The following KCTD3 variants were observed in gnomAD, a reference collection of about 807,000 sequenced individuals.
The protein encoded by KCTD3 is BTB/POZ domain-containing protein KCTD3.
In KCTD3, 41 loss-of-function variants were observed where a neutral mutation model predicts 85.8. The observed-to-expected ratio is 0.48, with a 90% CI of 0.37 to 0.62. The LOEUF (loss-of-function observed/expected upper bound fraction) is 0.62. Ranked by LOEUF, KCTD3 falls within the 20% of genes least tolerant of loss-of-function variation. The pLI, the probability that KCTD3 is intolerant of heterozygous loss-of-function variation, is 0.00. For missense variants in KCTD3, 724 were observed against 989.9 expected, an observed-to-expected ratio of 0.73 and a Z score of 3.60; for synonymous variants, 338 against 345.4, an observed-to-expected ratio of 0.98 and a Z score of 0.24.
At position 215,603,945 on chromosome 1, in the gene KCTD3, T is replaced by C. The variant is rs79289600; in HGVS notation, c.1139-187T>C. 5.9e-3 allele frequency among the ~76,000 whole-genome samples: 893 copies of C among 152,228 alleles called. 21 individuals carry two copies. The South Asian group carries it at 0.066, about 11-fold the overall frequency. Reference sequence around the variant, plus strand: ...GGAGTGAGGGTTAGGAAAAGATTTATCAAGGAAATAATGATTTTAAGATGA... The same window carrying C: ...GGAGTGAGGGTTAGGAAAAGATTTACCAAGGAAATAATGATTTTAAGATGA... On this transcript the variant is annotated intron_variant, in intron 12 of 17. Transcript: ENST00000259154.
chr1:215,603,445 A>G (rs1654906938), intron 12 of KCTD3, among the ~76,000 whole-genome samples: 1 of 152,096 alleles, frequency 6.6e-6, no homozygotes, highest in Admixed American at 6.6e-5. Context: ...GGGTCTGGGC[A>G]CTTTTTGAAA....
rs1266331261 is a variant in KCTD3 at position 215,586,678 on chromosome 1, T to A, written c.810T>A (p.Ser270Arg). ...LWSVQDGGSGSEIGVFSLGVP... is the reference protein window; with the variant it reads ...LWSVQDGGSGREIGVFSLGVP... ...GTGTTCAGGATGGGGGAAGTGGAAG[T>A]GAAATTGGTAGGAAGAATCTTGTTT... The change falls in exon 9 of 18, where the codon AGT (serine) becomes AGA (arginine). Residue 270 changes from serine (S) to arginine (R), a missense_variant. Ser to Arg is a moderately radical substitution (Grantham distance 110). Transcript: ENST00000259154. 8.7e-6 allele frequency: 14 copies of A among 1,606,850 alleles called. No homozygotes were observed. Among genetic ancestry groups the A allele is most frequent in the Non-Finnish European group, 1.2e-5 (14 of 1,175,942 alleles).
intron 1 of KCTD3, among the ~76,000 whole-genome samples, chr1:215,572,189 G>T (rs1262449629): frequency 6.6e-6 from 1 of 152,156 alleles, no homozygotes; most frequent in Non-Finnish European, 1.5e-5. Flanking sequence ...GTTTTGTACA[G>T]AACATTTAAC....
chr1:215,603,045 T>C (rs970738502), intron 12 of KCTD3, among the ~76,000 whole-genome samples: 1 of 152,136 alleles, frequency 6.6e-6, no homozygotes, highest in Non-Finnish European at 1.5e-5. Context: ...AATGACAGAA[T>C]TGAGAGGTTG....
chr1:215,600,606 C>T (rs1020416038), intron 10 of KCTD3, among the ~76,000 whole-genome samples: 3 of 152,204 alleles, frequency 2.0e-5, no homozygotes, highest in African/African-American at 7.2e-5. Flanking sequence ...TACCTCACAT[C>T]CCTTATCTCT....
At chr1:215,608,400 T>C (rs1483370233) in intron 14 of KCTD3, among the ~76,000 whole-genome samples, 1 of 151,988 alleles carries the variant, frequency 6.6e-6, no homozygotes, top group Non-Finnish European at 1.5e-5. Context: ...TTTCCTCTTA[T>C]TAATGTTTCA....
rs554520567 is a variant in KCTD3, at chr1:215,588,236, A to G, written c.817+1551A>G. ...AGCTCCTGTAGCTCTTTGCTCCAGC[A>G]TTTGTGAAGGTGCTTTTCCTTGACA... On this transcript the variant is annotated intron_variant, in intron 9 of 17. Coordinates refer to ENST00000259154, the MANE Select transcript of KCTD3 (RefSeq NM_016121.5). Among the ~76,000 whole-genome samples the G allele has an allele frequency of 5.9e-5, 9 of 152,196 alleles. No homozygotes were observed. The East Asian group carries it at 1.8e-3, about 30-fold the overall frequency.
chr1:215,574,849 A>G (rs185964254), intron 3 of KCTD3, among the ~76,000 whole-genome samples: 121 of 152,318 alleles, frequency 7.9e-4, no homozygotes, highest in African/African-American at 2.9e-3. Flanking sequence ...ACTGGCTGCC[A>G]TTTCCCTTTC....
chr1:215,574,096 C>T lies in KCTD3; in HGVS notation c.161C>T (p.Thr54Ile). 6.3e-7 allele frequency: 1 copy of T among 1,587,922 alleles called. No homozygotes were observed. Among genetic ancestry groups the T allele is most frequent in the Non-Finnish European group, 8.6e-7 (1 of 1,162,124 alleles). Residue 54 changes from threonine (T) to isoleucine (I), a missense_variant, in exon 3 of 18, where the codon ACA becomes ATA. Physicochemically the swap from Thr to Ile is moderately conservative, Grantham distance 89. Around this residue, in one of 6 missense-constraint regions of KCTD3, gnomAD observed 97 missense variants for 115.7 expected, o/e 0.84. Coordinates refer to ENST00000259154, the MANE Select transcript of KCTD3 (RefSeq NM_016121.5). The stretch of plus-strand genomic sequence containing the variant: ...AGTTTGCTGAGTGGGAGAATTTCAA[C>T]ACTTCGAGATGAAACTGGTGCTGTG... ...FSSLLSGRIS[T>I]LRDETGAIFI...
Position 215,578,001 on chromosome 1 carries a change from T to G in KCTD3, c.317T>G (p.Val106Gly). 3 of 1,610,120 alleles carry G rather than the reference T, an allele frequency of 1.9e-6. No homozygotes were observed. Among genetic ancestry groups the G allele is most frequent in the Non-Finnish European group, 2.5e-6 (3 of 1,177,640 alleles). The change falls in exon 6 of 18, where the codon GTA becomes GGA. Residue 106 changes from valine to glycine, a missense_variant and splice_region_variant. Physicochemically the swap from Val to Gly is moderately radical, Grantham distance 109. Around this residue, in one of 6 missense-constraint regions of KCTD3, gnomAD observed 17 missense variants for 40.4 expected, o/e 0.42. Transcript: ENST00000259154. ...CAAGTTTGCTTTGAAATGTTTTTAG[T>G]AAGAAGGCTTCTCTTATGTGAAGAA... is the stretch of plus-strand genomic sequence containing the variant. Reference protein sequence around the residue: ...EAEFYGITPLVRRLLLCEELE... With the variant: ...EAEFYGITPLGRRLLLCEELE...
intron 8 of KCTD3, chr1:215,581,069 A>G (rs1404225981): frequency 2.5e-6 from 1 of 402,024 alleles, no homozygotes; most frequent in African/African-American, 2.1e-5. Context: ...AACATGGTGA[A>G]ACCCCATCTC....
At position 215,620,795 on chromosome 1, in the gene KCTD3, AT is replaced by A. The variant is rs1380490914; in HGVS notation, c.*181del. The A allele has an allele frequency of 5.9e-6, 3 of 512,670 alleles. No individual in the cohort carries two copies. The highest frequency in any genetic ancestry group is 1.0e-5 in the Non-Finnish European group (3 of 296,646). The allele number at this position is 512,670 out of a possible 1,614,324, so 31.8% of individuals were successfully genotyped here. On this transcript the variant is annotated 3_prime_UTR_variant, in exon 18 of 18. Transcript: ENST00000259154. ...ATACAATAATCATATCTCTTTTGAC[AT>A]TTTGGAAATTTTTTTAATTTTACAA...
chr1:215,592,670 A>G (rs1381172323), intron 9 of KCTD3, among the ~76,000 whole-genome samples: 1 of 152,206 alleles, frequency 6.6e-6, no homozygotes, highest in African/African-American at 2.4e-5. Context: ...TAATTTGTTC[A>G]TGCCCTGTAA....
At chr1:215,612,056 A>T in intron 15 of KCTD3, 135 bp downstream of exon 15, 1 of 608,106 alleles carries the variant, frequency 1.6e-6, no homozygotes, top group Admixed American at 2.8e-5. Flanking sequence ...TTATCTCATA[A>T]TCATAACTCA....
chr1:215,608,071 T>C lies in KCTD3; in HGVS notation c.1364T>C (p.Met455Thr), dbSNP rs1267918153. The change falls in exon 14 of 18, where the codon ATG (methionine) becomes ACG (threonine). Residue 455 changes from methionine (M) to threonine (T), a missense_variant. This residue lies in a region of KCTD3 where 146 missense variants were observed against 320.3 expected (regional missense o/e 0.46). Coordinates refer to ENST00000259154, the MANE Select transcript of KCTD3 (RefSeq NM_016121.5). ...RTWTVTRFRGMISTQPGSTPL... is the reference protein window; with the variant it reads ...RTWTVTRFRGTISTQPGSTPL... Reference sequence around the variant, plus strand: ...TGGACAGTAACACGATTCAGAGGAATGATCTCTACTCAGCCAGGTTCTACT... The same window carrying C: ...TGGACAGTAACACGATTCAGAGGAACGATCTCTACTCAGCCAGGTTCTACT... 1 of 1,612,296 alleles carries C rather than the reference T, an allele frequency of 6.2e-7. No individual in the cohort carries two copies. The highest frequency in any genetic ancestry group is 8.5e-7 in the Non-Finnish European group (1 of 1,178,716).
Position 215,581,758 on chromosome 1 carries a change from A to G in KCTD3, c.626+1759A>G, listed in dbSNP as rs3753837. ...TCATGTAAAGTGACGAAGGAAGACA[A>G]TTGAGGACATATTTGGATTTCCTCA... On this transcript the variant is annotated intron_variant, in intron 8 of 17. Coordinates refer to ENST00000259154, the MANE Select transcript of KCTD3 (RefSeq NM_016121.5). Among the ~76,000 whole-genome samples the G allele has an allele frequency of 5.9e-3, 896 of 152,382 alleles. 21 individuals carry two copies. In the South Asian group the frequency reaches 0.066, roughly 11 times the overall value.
At chr1:215,607,235 T>A (rs966671373) in intron 13 of KCTD3, among the ~76,000 whole-genome samples, 2 of 151,974 alleles carry the variant, frequency 1.3e-5, no homozygotes, top group African/African-American at 4.8e-5. Flanking sequence ...TCATAGTTCA[T>A]TGCTAATAAT....
chr1:215,600,042 G>T (rs1417069582), intron 10 of KCTD3, among the ~76,000 whole-genome samples: 2 of 152,140 alleles, frequency 1.3e-5, no homozygotes, highest in Non-Finnish European at 2.9e-5. Context: ...ACTTGAGTAA[G>T]AAAATTGGTT....
chr1:215,616,904 T>TGGCA (rs1171077944), intron 15 of KCTD3, among the ~76,000 whole-genome samples: 4 of 152,260 alleles, frequency 2.6e-5, no homozygotes, highest in Non-Finnish European at 5.9e-5. Flanking sequence ...AGTTGACTGA[T>TGGCA]GGCAGGTCAC....
Sources: gnomAD v4.1 joint callset for allele counts (sites outside exome capture counted in the v4.1 genomes callset) on GRCh38, gnomAD v4.1.1 for gene constraint, gnomAD v4.1.1 regional missense constraint, MANE v1.5 for transcripts, NCBI Gene and HGNC (gene_info 2026-07-23, HGNC 2026-07-21) for gene names.